The following AGPAT3 variants were observed in gnomAD, a reference collection of about 807,000 sequenced individuals.
The protein encoded by AGPAT3 is 1-acyl-sn-glycerol-3-phosphate acyltransferase gamma.
AGPAT3 carries 5 observed loss-of-function variants against 47.3 expected under a neutral mutation model. The ratio of observed to expected loss-of-function variants is 0.11; its 90% CI spans 0.06 to 0.22. The LOEUF (loss-of-function observed/expected upper bound fraction) is 0.22, where lower values mean the gene tolerates loss of function less well. Ranked by LOEUF, AGPAT3 falls within the 10% of genes least tolerant of loss-of-function variation. The pLI is 1.00. For synonymous variants in AGPAT3, 212 were observed against 208.3 expected, an observed-to-expected ratio of 1.02 and a Z score of -0.15; for missense variants, 315 against 493.0, an observed-to-expected ratio of 0.64 and a Z score of 3.42.
At chr21:43,976,893 A>T (rs2089640208) in intron 7 of AGPAT3, among the ~76,000 whole-genome samples, 2 of 152,308 alleles carry the variant, frequency 1.3e-5, no homozygotes, top group East Asian at 3.9e-4. Flanking sequence ...ACACAGTATC[A>T]CTGCTGCCTT....
rs2087357697 is a variant in AGPAT3, at chr21:43,934,225, C to T, written c.-48-25409C>T. ...ATGCCAGTCCCCTGAGAACCAGCTC[C>T]CTGAGCACGCCAGCCCCCCAAGGAC... On this transcript the variant is annotated intron_variant, in intron 2 of 9. Coordinates refer to ENST00000291572, the MANE Select transcript of AGPAT3 (RefSeq NM_020132.5). This position sits in a 1 kb window ranked among gnomAD's most constrained non-coding sequence, Gnocchi z 4.7. 6.6e-6 allele frequency among the ~76,000 whole-genome samples: 1 copy of T among 152,136 alleles called. No individual in the cohort carries two copies. Among genetic ancestry groups the T allele is most frequent in the South Asian group, 2.1e-4 (1 of 4,828 alleles).
chr21:43,944,908 CAG>C (rs1310645767), intron 2 of AGPAT3, among the ~76,000 whole-genome samples: 1 of 152,242 alleles, frequency 6.6e-6, no homozygotes, highest in African/African-American at 2.4e-5. Flanking sequence ...CACGTGCCCT[CAG>C]GGGCTTCCCT....
chr21:43,970,531 G>C lies in AGPAT3; in HGVS notation c.511-122G>C. On this transcript the variant is annotated intron_variant, in intron 5 of 9. Coordinates refer to ENST00000291572, the MANE Select transcript of AGPAT3 (RefSeq NM_020132.5). The surrounding 1 kb of genome is among the most constrained non-coding windows in gnomAD (Gnocchi z 5.8). ...ATAACCCATGCTGCTCGCTAAAGCG[G>C]TTCCAAGATTTCCACAAATTCAGCC... 1 of 1,075,052 alleles carries C rather than the reference G, an allele frequency of 9.3e-7. No homozygotes were observed. The highest frequency in any genetic ancestry group is 2.7e-5 in the East Asian group (1 of 36,874). 66.6% of individuals were successfully genotyped at this position (1,075,052 alleles called of 1,614,324 possible). A position where few individuals can be genotyped will look rare whatever the true frequency, so the allele number is the denominator to read the frequency against.
chr21:43,938,557 G>A (rs940983766), intron 2 of AGPAT3, among the ~76,000 whole-genome samples: 2 of 152,092 alleles, frequency 1.3e-5, no homozygotes, highest in Non-Finnish European at 2.9e-5. Flanking sequence ...GCCTCCCACA[G>A]TGCTGGGATT....
chr21:43,980,802 T>C (rs145382745), intron 8 of AGPAT3, among the ~76,000 whole-genome samples, 187 bp from the exon 9 acceptor site: 106 of 152,358 alleles, frequency 7.0e-4, no homozygotes, highest in African/African-American at 2.4e-3. Context: ...CGATGCACGC[T>C]ATCAGATTCT....
At chr21:43,882,671 C>T (rs993798545) in intron 1 of AGPAT3, 1 of 152,334 alleles carries the variant, frequency 6.6e-6, no homozygotes, top group Non-Finnish European at 1.5e-5. Context: ...CAGTGCCTTC[C>T]ATCACTGCAA....
chr21:43,945,585 C>A (rs1230626158), intron 2 of AGPAT3, among the ~76,000 whole-genome samples: 2 of 152,112 alleles, frequency 1.3e-5, no homozygotes, highest in Non-Finnish European at 2.9e-5. Flanking sequence ...AGCCCTGTCC[C>A]CGCAGAGAGC....
intron 2 of AGPAT3, among the ~76,000 whole-genome samples, chr21:43,944,788 C>T (rs529734210): frequency 8.1e-4 from 124 of 152,348 alleles, no homozygotes; most frequent in African/African-American, 2.9e-3. Context: ...GGTCAATACA[C>T]CGTGCCAGGA....
chr21:43,975,938 C>T (rs1319629811), intron 7 of AGPAT3, among the ~76,000 whole-genome samples: 1 of 151,380 alleles, frequency 6.6e-6, no homozygotes, highest in Non-Finnish European at 1.5e-5. Flanking sequence ...AAGATGCTCC[C>T]TTACGGAAGC....
intron 2 of AGPAT3, among the ~76,000 whole-genome samples, chr21:43,940,214 G>A (rs1468673060): frequency 2.0e-5 from 3 of 152,222 alleles, no homozygotes; most frequent in Non-Finnish European, 4.4e-5. Context: ...GGTCCTTCTC[G>A]CCGGCTTCAG....
intron 2 of AGPAT3, among the ~76,000 whole-genome samples, chr21:43,913,525 G>C (rs1351900601): frequency 1.3e-5 from 2 of 152,204 alleles, no homozygotes; most frequent in African/African-American, 2.4e-5. Context: ...GGTGGAGGTT[G>C]CAGTGAGTTG....
At chr21:43,921,325 T>G (rs553606888) in intron 2 of AGPAT3, among the ~76,000 whole-genome samples, 1 of 152,110 alleles carries the variant, frequency 6.6e-6, no homozygotes, top group East Asian at 1.9e-4. Flanking sequence ...ATAACACCCT[T>G]TATAATAAAC....
rs553968562 is a variant in AGPAT3 at position 43,883,172 on chromosome 21, C to T, written c.-112+17827C>T. ...GGGGAGCCTCCTGCCCGGGTCACTC[C>T]ACTGCGCATGCTCTGTGGCTACCGT... On this transcript the variant is annotated intron_variant, in intron 1 of 9. Transcript: ENST00000291572. Among the ~76,000 whole-genome samples, 268 of 152,304 alleles carry T rather than the reference C, an allele frequency of 1.8e-3. 1 individual carries two copies. The highest frequency in any genetic ancestry group is 1.5e-3 in the Non-Finnish European group (102 of 68,026).
intron 1 of AGPAT3, among the ~76,000 whole-genome samples, chr21:43,878,346 C>T (rs900242207): frequency 3.3e-5 from 5 of 152,258 alleles, no homozygotes; most frequent in Non-Finnish European, 5.9e-5. Flanking sequence ...ACAACGGAGT[C>T]ACGTCGTGGC....
intron 7 of AGPAT3, among the ~76,000 whole-genome samples, chr21:43,977,748 G>A (rs1372687990): frequency 1.3e-5 from 2 of 152,152 alleles, no homozygotes; most frequent in African/African-American, 2.4e-5. Flanking sequence ...TTAGCTGGGC[G>A]TGGTGGCGCA....
chr21:43,947,591 T>C (rs981956163), intron 2 of AGPAT3, among the ~76,000 whole-genome samples: 14 of 152,176 alleles, frequency 9.2e-5, no homozygotes, highest in Non-Finnish European at 8.8e-5. Flanking sequence ...AAGTGCTCCA[T>C]GGACTCTTTC....
intron 1 of AGPAT3, among the ~76,000 whole-genome samples, chr21:43,901,022 C>T (rs927810684): frequency 6.6e-6 from 1 of 152,164 alleles, no homozygotes; most frequent in African/African-American, 2.4e-5. Context: ...AACATCCAGG[C>T]TAGACACTGT....
In AGPAT3 at chr21:43,922,862, CT is replaced by C. The variant is rs1166526446; in HGVS notation, c.-49+18844del. Among the ~76,000 whole-genome samples, 2 of 152,214 alleles carry C rather than the reference CT, an allele frequency of 1.3e-5. No individual in the cohort carries two copies. The highest frequency in any genetic ancestry group is 2.4e-5 in the African/African-American group (1 of 41,464). ...TGCATTTTTTCGCTGTGTGATGTGA[CT>C]GGCTGCCCAGTGGTGGTGGCAGAGC... On this transcript the variant is annotated intron_variant, in intron 2 of 9. Coordinates refer to ENST00000291572, the MANE Select transcript of AGPAT3 (RefSeq NM_020132.5). This position sits in a 1 kb window ranked among gnomAD's most constrained non-coding sequence, Gnocchi z 4.9.
Position 43,985,082 on chromosome 21 carries a change from G to T in AGPAT3, c.*2690G>T, listed in dbSNP as rs538844134. 1 of 455,888 alleles carries T rather than the reference G, an allele frequency of 2.2e-6. No homozygotes were observed. Among genetic ancestry groups the T allele is most frequent in the African/African-American group, 2.0e-5 (1 of 50,082 alleles). The allele number at this position is 455,888 out of a possible 1,614,324, so 28.2% of individuals were successfully genotyped here. A position where few individuals can be genotyped will look rare whatever the true frequency, so the allele number is the denominator to read the frequency against. On this transcript the variant is annotated 3_prime_UTR_variant, in exon 10 of 10. Transcript: ENST00000291572. ...GGCGGGAGGGCCCAGGCCCACCCACGGGCGTCTGGCCGGTCAAGCTCCCAG... is the reference window on the plus strand; with the variant it reads ...GGCGGGAGGGCCCAGGCCCACCCACTGGCGTCTGGCCGGTCAAGCTCCCAG...
Sources: gnomAD v4.1 joint callset for allele counts (sites outside exome capture counted in the v4.1 genomes callset) on GRCh38, gnomAD v4.1.1 for gene constraint, Gnocchi (gnomAD v3.1) non-coding constraint, MANE v1.5 for transcripts, NCBI Gene and HGNC (gene_info 2026-07-23, HGNC 2026-07-21) for gene names.